The following MBP variants were observed in gnomAD, a reference collection of about 807,000 sequenced individuals.
MBP encodes the protein Golli-MBP.
Under a neutral mutation model 35.8 loss-of-function variants are expected in MBP, and 16 were observed. The observed-to-expected ratio is 0.45, with a 90% CI of 0.30 to 0.68. The LOEUF (loss-of-function observed/expected upper bound fraction) is 0.68. MBP is among the 30% of genes least tolerant of loss of function. The pLI, the probability that MBP is intolerant of heterozygous loss-of-function variation, is 0.08. For missense variants in MBP, 380 were observed against 404.7 expected (o/e 0.94, Z 0.52); for synonymous variants, 143 against 159.6 (o/e 0.90, Z 0.78).
intron 3 of MBP, among the ~76,000 whole-genome samples, chr18:77,047,754 T>C (rs574416316): frequency 6.6e-6 from 1 of 152,344 alleles, no homozygotes; most frequent in Admixed American, 6.5e-5. Flanking sequence ...AAGATAAAGA[T>C]GGTATACTCA....
At chr18:77,074,482 A>G (rs1247272874) in intron 2 of MBP, among the ~76,000 whole-genome samples, 1 of 152,316 alleles carries the variant, frequency 6.6e-6, no homozygotes, top group Non-Finnish European at 1.5e-5. Flanking sequence ...TGGTCAAGAC[A>G]ACAGGACTAT....
intron 2 of MBP, among the ~76,000 whole-genome samples, chr18:77,090,089 G>C (rs1975440420): frequency 1.3e-5 from 2 of 152,162 alleles, no homozygotes; most frequent in African/African-American, 4.8e-5. Context: ...TGCTCTCCCT[G>C]GTCAGCAGAC....
chr18:77,000,634 A>G (rs1157148525), intron 4 of MBP, among the ~76,000 whole-genome samples: 1 of 152,212 alleles, frequency 6.6e-6, no homozygotes, highest in Non-Finnish European at 1.5e-5. Context: ...CAGCAGGCGG[A>G]GCTCCTGCGC....
intron 4 of MBP, among the ~76,000 whole-genome samples, chr18:76,998,496 A>G (rs1160914259): frequency 6.6e-6 from 1 of 152,052 alleles, no homozygotes; most frequent in Non-Finnish European, 1.5e-5. Context: ...CCCCGGAGCC[A>G]CGCTGATCTG....
At chr18:77,067,022 G>C (rs1974227828) in intron 2 of MBP, among the ~76,000 whole-genome samples, 1 of 152,350 alleles carries the variant, frequency 6.6e-6, no homozygotes, top group Non-Finnish European at 1.5e-5. Flanking sequence ...CTTGTTTTTC[G>C]AGTTTAAAGT....
chr18:77,008,815 A>T (rs1568284551), intron 4 of MBP, among the ~76,000 whole-genome samples: 1 of 152,212 alleles, frequency 6.6e-6, no homozygotes, highest in Non-Finnish European at 1.5e-5. Flanking sequence ...TCTGACATGC[A>T]GCCACACCTG....
chr18:77,096,229 T>C (rs1393236281), intron 2 of MBP, among the ~76,000 whole-genome samples: 1 of 152,254 alleles, frequency 6.6e-6, no homozygotes, highest in Non-Finnish European at 1.5e-5. Context: ...TCTATTTACA[T>C]GTTGATGGAA....
chr18:77,046,759 C>T (rs372444096), intron 3 of MBP, among the ~76,000 whole-genome samples: 2 of 152,248 alleles, frequency 1.3e-5, no homozygotes, highest in Non-Finnish European at 2.9e-5. Flanking sequence ...TACGGCCCAC[C>T]CTTCCTTCCA....
rs3056773 is a variant in MBP, at chr18:77,081,749, C to CAT, written c.52-15366_52-15365dup. ...GCTTATACAGGGATTTTCATAGCAG[C>CAT]ATATATATATATATATATACACACA... On this transcript the variant is annotated intron_variant, in intron 2 of 8. Coordinates refer to ENST00000355994, the MANE Select transcript of MBP (RefSeq NM_001025101.2). Among the ~76,000 whole-genome samples, 866 of 135,940 alleles carry CAT rather than the reference C, an allele frequency of 6.4e-3. 10 individuals are homozygous for CAT. Among genetic ancestry groups the CAT allele is most frequent in the African/African-American group, 0.019 (662 of 35,554 alleles). 89.2% of individuals were successfully genotyped at this position (135,940 alleles called of 152,430 possible).
chr18:77,018,116 T>C (rs971031595), intron 3 of MBP, among the ~76,000 whole-genome samples: 3 of 152,130 alleles, frequency 2.0e-5, no homozygotes, highest in African/African-American at 7.2e-5. Flanking sequence ...TCTCTATCCA[T>C]TCATCCATCC....
At chr18:77,074,879 A>C (rs1458836814) in intron 2 of MBP, among the ~76,000 whole-genome samples, 3 of 152,248 alleles carry the variant, frequency 2.0e-5, no homozygotes, top group Non-Finnish European at 4.4e-5. Context: ...TCATGTAAAG[A>C]TCACAGCAAC....
intron 1 of MBP, among the ~76,000 whole-genome samples, chr18:77,120,628 C>A (rs1976860515): frequency 6.6e-6 from 1 of 152,178 alleles, no homozygotes; most frequent in Non-Finnish European, 1.5e-5. Context: ...CGAGGTCTAT[C>A]GCACCAGCAG....
intron 4 of MBP, among the ~76,000 whole-genome samples, chr18:76,995,526 C>G (rs749410877): frequency 5.3e-5 from 8 of 152,050 alleles, no homozygotes; most frequent in Non-Finnish European, 1.2e-4. Context: ...CAGAGATAGA[C>G]TCACCCAAAT....
chr18:77,098,703 G>T (rs867334262), intron 2 of MBP, among the ~76,000 whole-genome samples: 1 of 152,192 alleles, frequency 6.6e-6, no homozygotes, highest in Non-Finnish European at 1.5e-5. Flanking sequence ...AGCCTTTACC[G>T]TAAGGGCTTG....
chr18:77,019,618 C>T (rs1051296222), intron 3 of MBP, among the ~76,000 whole-genome samples: 2 of 152,218 alleles, frequency 1.3e-5, no homozygotes, highest in Non-Finnish European at 2.9e-5. Context: ...TTGAAGCCCC[C>T]AGCATATGGT....
At chr18:77,032,050 G>A (rs897289759) in intron 3 of MBP, among the ~76,000 whole-genome samples, 2 of 152,244 alleles carry the variant, frequency 1.3e-5, no homozygotes, top group Admixed American at 6.5e-5. Context: ...GTGCAGAACC[G>A]AGCTTTAAGC....
chr18:77,028,344 ATTT>A lies in MBP; in HGVS notation c.140-11079_140-11077del, dbSNP rs1463041534. Among the ~76,000 whole-genome samples, 11 of 132,768 alleles carry A rather than the reference ATTT, an allele frequency of 8.3e-5. No homozygotes were observed. The East Asian group carries it at 2.4e-3, about 29-fold the overall frequency. 87.1% of individuals were successfully genotyped at this position (132,768 alleles called of 152,430 possible). On this transcript the variant is annotated intron_variant, in intron 3 of 8. Transcript: ENST00000355994. ...ATCAACAGGATCCCAAGGCAGAAGAATTTTTCTTAGTACAGAACAAAATGAAAA... is the reference window on the plus strand; with the variant it reads ...ATCAACAGGATCCCAAGGCAGAAGAATTCTTAGTACAGAACAAAATGAAAA...
At chr18:77,085,639 T>G (rs1293810375) in intron 2 of MBP, among the ~76,000 whole-genome samples, 1 of 152,056 alleles carries the variant, frequency 6.6e-6, no homozygotes, top group African/African-American at 2.4e-5. Context: ...CATAAAATCT[T>G]CTTAAGTAAA....
In MBP at chr18:77,020,319, G is replaced by A. The variant is rs1971940824; in HGVS notation, c.140-3051C>T. Among the ~76,000 whole-genome samples the A allele has an allele frequency of 6.6e-6, 1 of 152,164 alleles. No individual in the cohort carries two copies. Among genetic ancestry groups the A allele is most frequent in the Non-Finnish European group, 1.5e-5 (1 of 68,018 alleles). On this transcript the variant is annotated intron_variant, in intron 3 of 8. Transcript: ENST00000355994. The surrounding 1 kb of genome is among the most constrained non-coding windows in gnomAD (Gnocchi z 4.1). ...GGTGTAGACAGGGAACCAGCGAACA[G>A]TTGAGAATGCATGCCTGCCAAGCGA...
Sources: allele counts gnomAD v4.1 joint callset (sites outside exome capture counted in the v4.1 genomes callset), GRCh38; gene constraint gnomAD v4.1.1; non-coding constraint Gnocchi (gnomAD v3.1); transcripts MANE v1.5; gene names NCBI Gene and HGNC (gene_info 2026-07-23, HGNC 2026-07-21).